B4GALT6: variants seen among roughly 807,000 people sequenced by gnomAD.
B4GALT6 encodes the protein beta-1,4-galactosyltransferase 6, also known as UDP-Gal:beta-GlcNAc beta-1,4-galactosyltransferase 6.
A neutral mutation model predicts 46.3 loss-of-function variants in B4GALT6; 14 were observed. The observed-to-expected ratio is 0.30, with a 90% CI of 0.20 to 0.47. B4GALT6 has a LOEUF of 0.47. B4GALT6 is among the 20% of genes least tolerant of loss of function. The pLI is 0.99. For missense variants in B4GALT6, 386 were observed against 480.1 expected (o/e 0.80, Z 1.83); for synonymous variants, 168 against 162.0 (o/e 1.04, Z -0.28).
chr18:31,677,893 CA>C (rs1037258360), intron 1 of B4GALT6, among the ~76,000 whole-genome samples: 16 of 152,150 alleles, frequency 1.1e-4, no homozygotes, highest in African/African-American at 3.9e-4. Flanking sequence ...TGCAAACATA[CA>C]GGTCTGAGGA....
At chr18:31,692,300 T>G in the B4GALT6 span, among the ~76,000 whole-genome samples, 1 of 152,130 alleles carries the variant, frequency 6.6e-6, no homozygotes, top group Non-Finnish European at 1.5e-5. Flanking sequence ...CCCAAACTGG[T>G]TTTACCAATT....
At chr18:31,683,732 C>T (rs1434653766) in intron 1 of B4GALT6, among the ~76,000 whole-genome samples, 1 of 152,106 alleles carries the variant, frequency 6.6e-6, no homozygotes, top group Non-Finnish European at 1.5e-5. Context: ...AAATAACACC[C>T]AAGCAGACTA....
chr18:31,697,240 T>C, the B4GALT6 span, among the ~76,000 whole-genome samples: 4 of 151,890 alleles, frequency 2.6e-5, no homozygotes, highest in Admixed American at 2.6e-4. Context: ...CATTCCAGAC[T>C]GGGCAATGGA....
the B4GALT6 span, among the ~76,000 whole-genome samples, chr18:31,696,469 C>G: frequency 6.6e-6 from 1 of 151,988 alleles, no homozygotes; most frequent in Non-Finnish European, 1.5e-5. Context: ...TTCTTTTTCA[C>G]TTTTCTACAT....
chr18:31,688,300 G>A (rs1002643705), upstream of B4GALT6, among the ~76,000 whole-genome samples: 2 of 128,746 alleles, frequency 1.6e-5, no homozygotes, highest in Non-Finnish European at 3.1e-5. Context: ...ATTCCAAAAT[G>A]TTGTGGTACA....
upstream of B4GALT6, chr18:31,686,112 G>C (rs1033042513): frequency 6.6e-6 from 1 of 152,240 alleles, no homozygotes; most frequent in Non-Finnish European, 1.5e-5. Flanking sequence ...GACTGTCCAG[G>C]TCCTTAGCTG....
At chr18:31,717,838 CA>C in the B4GALT6 span, among the ~76,000 whole-genome samples, 1 of 151,630 alleles carries the variant, frequency 6.6e-6, no homozygotes, top group Admixed American at 6.6e-5. Context: ...CCTGTAATCC[CA>C]GCTACTCGGG....
At chr18:31,647,720 G>A (rs2074008440) in intron 3 of B4GALT6, among the ~76,000 whole-genome samples, 1 of 152,162 alleles carries the variant, frequency 6.6e-6, no homozygotes, top group Non-Finnish European at 1.5e-5. Flanking sequence ...TCATCATTGT[G>A]GGGAGTGGTA....
intron 3 of B4GALT6, 108 bp from the exon 4 acceptor site, chr18:31,645,587 T>C (rs2073982308): frequency 1.8e-6 from 2 of 1,102,266 alleles, no homozygotes; most frequent in Non-Finnish European, 2.5e-6. Flanking sequence ...GCCAGGACAA[T>C]ACAGTTTACT....
upstream of B4GALT6, chr18:31,684,767 A>G (rs1232987829): frequency 7.4e-5 from 80 of 1,080,472 alleles, no homozygotes; most frequent in Non-Finnish European, 9.1e-5. Flanking sequence ...CAGCGGCGGG[A>G]GGAGGGGCTG....
chr18:31,625,376 A>G lies in B4GALT6; in HGVS notation c.*238T>C. The G allele has an allele frequency of 2.4e-6, 1 of 417,316 alleles. No homozygotes were observed. 25.9% of individuals were successfully genotyped at this position (417,316 alleles called of 1,614,324 possible). ...TCGGAGGGAGCTCTCTTAACTTCCG[A>G]TCTTAAGTAGTGGCTTCCCGTTTCT... is the stretch of plus-strand genomic sequence containing the variant. On this transcript the variant is annotated 3_prime_UTR_variant, in exon 9 of 9. Transcript: ENST00000306851.
At chr18:31,666,747 T>A (rs1369278383) in intron 1 of B4GALT6, among the ~76,000 whole-genome samples, 1 of 152,160 alleles carries the variant, frequency 6.6e-6, no homozygotes, top group Non-Finnish European at 1.5e-5. Flanking sequence ...TTTCTCTAAT[T>A]ATATATTAAT....
chr18:31,626,158 A>G (rs3764474), intron 8 of B4GALT6, 125 bp downstream of exon 8: 194,605 of 548,216 alleles, frequency 0.35, 35,355 homozygotes, highest in Middle Eastern at 0.45. Context: ...TCAGCAAAAA[A>G]TACTTCCCTT....
At chr18:31,685,383 A>C (rs1247100664), upstream of B4GALT6, among the ~76,000 whole-genome samples, 2 of 151,432 alleles carry the variant, frequency 1.3e-5, no homozygotes, top group Non-Finnish European at 3.0e-5. Flanking sequence ...GGCGGACGTG[A>C]AGGGGCGGGG....
chr18:31,651,018 G>A (rs532322115), intron 3 of B4GALT6, among the ~76,000 whole-genome samples: 96 of 152,092 alleles, frequency 6.3e-4, no homozygotes, highest in African/African-American at 2.3e-3. Flanking sequence ...CACCCACCTC[G>A]GCCTCCCAAA....
intron 6 of B4GALT6, among the ~76,000 whole-genome samples, chr18:31,628,777 T>C (rs2073735777): frequency 6.6e-6 from 1 of 152,224 alleles, no homozygotes; most frequent in South Asian, 2.1e-4. Context: ...CTAATTTCTC[T>C]ACAAACGTCC....
At chr18:31,678,963 G>A (rs1291462974) in intron 1 of B4GALT6, among the ~76,000 whole-genome samples, 1 of 152,194 alleles carries the variant, frequency 6.6e-6, no homozygotes, top group Admixed American at 6.5e-5. Context: ...GGACGGGTTA[G>A]GAAATTAACT....
chr18:31,683,570 A>G (rs966447570), intron 1 of B4GALT6, among the ~76,000 whole-genome samples: 1 of 152,246 alleles, frequency 6.6e-6, no homozygotes, highest in African/African-American at 2.4e-5. Context: ...AGTTAATTCA[A>G]GCAGTTTTAC....
At chr18:31,636,023 C>T (rs902275702) in intron 5 of B4GALT6, among the ~76,000 whole-genome samples, 4 of 152,122 alleles carry the variant, frequency 2.6e-5, no homozygotes, top group Non-Finnish European at 4.4e-5. Flanking sequence ...ATACATATGA[C>T]GTGTATATAT....
Sources: gnomAD v4.1 joint callset for allele counts (sites outside exome capture counted in the v4.1 genomes callset) on GRCh38, gnomAD v4.1.1 for gene constraint, MANE v1.5 for transcripts, NCBI Gene and HGNC (gene_info 2026-07-23, HGNC 2026-07-21) for gene names.